NCOR1: variants seen among roughly 807,000 people sequenced by gnomAD.
NCOR1 encodes nuclear receptor corepressor 1, also known as protein phosphatase 1, regulatory subunit 109.
NCOR1 carries 63 observed loss-of-function variants against 288.1 expected under a neutral mutation model. That is an observed-to-expected ratio of 0.22 (90% CI 0.18 to 0.27). The LOEUF (loss-of-function observed/expected upper bound fraction) is 0.27, where lower values mean the gene tolerates loss of function less well. Among genes scored for constraint, NCOR1 ranks in the 10% least tolerant of loss-of-function variants. NCOR1 has a pLI of 1.00. For missense variants in NCOR1, 2,397 were observed against 3,019.2 expected (o/e 0.79, Z 4.83); for synonymous variants, 1,007 against 1,065.9 (o/e 0.94, Z 1.08).
intron 14 of NCOR1, among the ~76,000 whole-genome samples, chr17:16,127,141 G>A (rs2074231191): frequency 8.3e-6 from 1 of 121,100 alleles, no homozygotes; most frequent in South Asian, 2.6e-4. Flanking sequence ...ATATATACAT[G>A]TATGTATATA....
At chr17:16,145,247 T>C (rs1267618207) in intron 10 of NCOR1, among the ~76,000 whole-genome samples, 1 of 152,214 alleles carries the variant, frequency 6.6e-6, no homozygotes, top group Non-Finnish European at 1.5e-5. Flanking sequence ...CTAGGCTTGC[T>C]ACAACCTCCA....
rs1451632026 is a variant in NCOR1 at position 16,158,883 on chromosome 17, C to G, written c.619-10G>C. Reference sequence around the variant, plus strand: ...CTTCTTCAAGCTGTTGCTAAGAGATCCAGAAAGAAAGAGTCAAGCATGTGC... The same window carrying G: ...CTTCTTCAAGCTGTTGCTAAGAGATGCAGAAAGAAAGAGTCAAGCATGTGC... On this transcript the variant is annotated splice_polypyrimidine_tract_variant and intron_variant, in intron 5 of 45. Coordinates refer to ENST00000268712, the MANE Select transcript of NCOR1 (RefSeq NM_006311.4). The G allele has an allele frequency of 1.2e-6, 2 of 1,603,310 alleles. No homozygotes were observed. Among genetic ancestry groups the G allele is most frequent in the Non-Finnish European group, 1.7e-6 (2 of 1,170,584 alleles).
At chr17:16,045,218 T>C (rs1456381036) in intron 42 of NCOR1, among the ~76,000 whole-genome samples, 1 of 152,172 alleles carries the variant, frequency 6.6e-6, no homozygotes, top group Non-Finnish European at 1.5e-5. Flanking sequence ...GTTAAGATGC[T>C]ATGAGTATGG....
chr17:16,039,518 C>T lies in NCOR1; in HGVS notation c.6870G>A (p.Met2290Ile), dbSNP rs139149781. The part of the protein sequence containing the change: ...EDHGVVMSQP[M>I]GVVPGTANTS... Reference sequence around the variant, plus strand: ...TGTTGGCAGTACCAGGCACTACTCCCATAGGCTGGGACATGACAACTCCAT... The same window carrying T: ...TGTTGGCAGTACCAGGCACTACTCCTATAGGCTGGGACATGACAACTCCAT... The change falls in exon 44 of 46, where the codon ATG becomes ATA. Residue 2290 changes from methionine to isoleucine, a missense_variant. This residue lies in a region of NCOR1 where 1,872 missense variants were observed against 2,187.8 expected (regional missense o/e 0.86). Coordinates refer to ENST00000268712, the MANE Select transcript of NCOR1 (RefSeq NM_006311.4). 1.2e-3 allele frequency: 1,945 copies of T among 1,614,140 alleles called. 18 individuals carry two copies. In the South Asian group the frequency reaches 0.014, roughly 11 times the overall value.
intron 14 of NCOR1, among the ~76,000 whole-genome samples, chr17:16,136,604 G>A (rs557801497): frequency 1.3e-5 from 2 of 152,140 alleles, no homozygotes; most frequent in African/African-American, 4.8e-5. Flanking sequence ...TCAGGAGATT[G>A]AGACCATCCT....
chr17:16,135,760 T>C (rs2153232673), intron 14 of NCOR1, among the ~76,000 whole-genome samples: 1 of 152,244 alleles, frequency 6.6e-6, no homozygotes, highest in South Asian at 2.1e-4. Context: ...TGGTGTTCTG[T>C]GGGAAATAAT....
chr17:16,214,882 G>A (rs940622373), intron 1 of NCOR1, among the ~76,000 whole-genome samples: 2 of 152,232 alleles, frequency 1.3e-5, no homozygotes, highest in Non-Finnish European at 2.9e-5. Context: ...GAAGCGGTCT[G>A]TTAGAAAGGT....
rs565937782 is a variant in NCOR1, at chr17:16,102,441, C to T, written c.2183-684G>A. ...GGATTTACAGGTGTGTGCCACCATG[C>T]CTAGCTAATTTTGTAGAATTTATTT... On this transcript the variant is annotated intron_variant, in intron 19 of 45. Transcript: ENST00000268712. Among the ~76,000 whole-genome samples, 11 of 151,966 alleles carry T rather than the reference C, an allele frequency of 7.2e-5. 1 individual carries two copies. The South Asian group carries it at 2.3e-3, about 32-fold the overall frequency.
chr17:16,151,684 T>A (rs938445844), intron 8 of NCOR1: 1 of 1,303,386 alleles, frequency 7.7e-7, no homozygotes, highest in Admixed American at 2.3e-5. Context: ...ATGTTAAGTA[T>A]CCACCTTTTT....
chr17:16,048,918 C>G lies in NCOR1; in HGVS notation c.6463G>C (p.Val2155Leu). The change falls in exon 41 of 46, where the codon GTT (valine) becomes CTT (leucine). Residue 2155 changes from valine (V) to leucine (L), a missense_variant. This residue lies in a region of NCOR1 where 1,872 missense variants were observed against 2,187.8 expected (regional missense o/e 0.86). Coordinates refer to ENST00000268712, the MANE Select transcript of NCOR1 (RefSeq NM_006311.4). ...TCCTGTTTCTCATGCACAACCGGAA[C>G]CTGGGGTGGGGAGATGGGCTCGTAG... ...EPYEPISPPQ[V>L]PVVHEKQDSL... 1 of 1,613,926 alleles carries G rather than the reference C, an allele frequency of 6.2e-7. No individual in the cohort carries two copies. Among genetic ancestry groups the G allele is most frequent in the Non-Finnish European group, 8.5e-7 (1 of 1,179,910 alleles).
intron 3 of NCOR1, among the ~76,000 whole-genome samples, chr17:16,174,718 AT>A (rs1396444075): frequency 6.6e-6 from 1 of 152,228 alleles, no homozygotes; most frequent in African/African-American, 2.4e-5. Flanking sequence ...GCTAAGTACA[AT>A]TTAATATTAG....
chr17:16,117,856 T>C lies in NCOR1; in HGVS notation c.2055+32A>G, dbSNP rs1331526386. ...CAACAACACTCTAAGTAAAAAACAG[T>C]AAGTAAAGAGTCACCACCCCAATAT... On this transcript the variant is annotated intron_variant, in intron 18 of 45. Transcript: ENST00000268712. 1.9e-6 allele frequency: 3 copies of C among 1,597,816 alleles called. No individual in the cohort carries two copies. In the African/African-American group the frequency reaches 4.1e-5, roughly 22 times the overall value.
At chr17:16,196,389 G>C (rs1192199756) in intron 1 of NCOR1, among the ~76,000 whole-genome samples, 1 of 151,932 alleles carries the variant, frequency 6.6e-6, no homozygotes, top group East Asian at 1.9e-4. Context: ...AAACTTATAG[G>C]CTGGCCACAG....
chr17:16,171,584 G>A (rs1476911241), intron 4 of NCOR1, among the ~76,000 whole-genome samples: 1 of 152,098 alleles, frequency 6.6e-6, no homozygotes, highest in African/African-American at 2.4e-5. Flanking sequence ...CAGTCTTCTT[G>A]GACTGTTTTC....
chr17:16,191,903 A>T (rs2088435816), intron 2 of NCOR1: 1 of 151,024 alleles, frequency 6.6e-6, no homozygotes, highest in Admixed American at 6.7e-5. Flanking sequence ...CCTTGAGCCC[A>T]ATAGTTCTAG....
At chr17:16,114,160 A>AACAAAAAAC (rs1555667910) in intron 18 of NCOR1, among the ~76,000 whole-genome samples, 1 of 106,894 alleles carries the variant, frequency 9.4e-6, no homozygotes, top group Non-Finnish European at 2.0e-5. Context: ...AAAAAAAAAA[A>AACAAAAAAC]AAAAAAAAAC....
At chr17:16,073,178 T>A (rs1034617274) in intron 28 of NCOR1, among the ~76,000 whole-genome samples, 3 of 152,256 alleles carry the variant, frequency 2.0e-5, no homozygotes, top group Admixed American at 6.5e-5. Flanking sequence ...AACATTCTAA[T>A]AGTAACCTAT....
rs909028833 is a variant in NCOR1, at chr17:16,064,945, C to T, written c.5026G>A (p.Asp1676Asn). 3 of 1,613,848 alleles carry T rather than the reference C, an allele frequency of 1.9e-6. No individual in the cohort carries two copies. The highest frequency in any genetic ancestry group is 2.5e-6 in the Non-Finnish European group (3 of 1,179,858). The change falls in exon 34 of 46, where the codon GAC (aspartate) becomes AAC (asparagine). Residue 1676 changes from aspartate (D) to asparagine (N), a missense_variant. Transcript: ENST00000268712. ...GTACCAGGAATATAAGTGATTCTGT[C>T]CATGGGAGGAGTGCTTGTTCCCCCT... is the stretch of plus-strand genomic sequence containing the variant. ...HPGGTSTPPMDRITYIPGTQI... is the reference protein window; with the variant it reads ...HPGGTSTPPMNRITYIPGTQI...
chr17:16,075,845 G>T, intron 26 of NCOR1, 143 bp from the exon 27 acceptor site: 1 of 847,080 alleles, frequency 1.2e-6, no homozygotes, highest in African/African-American at 1.7e-5. Flanking sequence ...AAGGAAATTA[G>T]ACATTGAATT....
Sources: allele counts gnomAD v4.1 joint callset (sites outside exome capture counted in the v4.1 genomes callset), GRCh38; gene constraint gnomAD v4.1.1; regional missense constraint gnomAD v4.1.1; transcripts MANE v1.5; gene names NCBI Gene and HGNC (gene_info 2026-07-23, HGNC 2026-07-21).